NPY2R: variants seen among roughly 807,000 people sequenced by gnomAD.
The protein encoded by NPY2R is neuropeptide Y receptor Y2, also known as neuropeptide Y receptor type 2.
NPY2R carries 17 observed loss-of-function variants against 22.3 expected under a neutral mutation model. The ratio of observed to expected loss-of-function variants is 0.76; its 90% CI spans 0.52 to 1.14. The LOEUF (loss-of-function observed/expected upper bound fraction) is 1.14. NPY2R is among the 50% of genes most tolerant of loss of function. NPY2R has a pLI of 0.00. For synonymous variants in NPY2R, 209 were observed against 183.4 expected (o/e 1.14, Z -1.13); for missense variants, 424 against 467.9 (o/e 0.91, Z 0.87).
chr4:155,195,269 A>T, the NPY2R span, among the ~76,000 whole-genome samples: 1 of 151,862 alleles, frequency 6.6e-6, no homozygotes, highest in African/African-American at 2.4e-5. Context: ...ATATGTATTT[A>T]TCCCTTTATT....
At chr4:155,183,973 C>T in the NPY2R span, among the ~76,000 whole-genome samples, 1 of 152,146 alleles carries the variant, frequency 6.6e-6, no homozygotes, top group East Asian at 1.9e-4. Context: ...AAACTCCATC[C>T]CCTCTCTTAC....
chr4:155,184,576 C>T, the NPY2R span, among the ~76,000 whole-genome samples: 1 of 152,152 alleles, frequency 6.6e-6, no homozygotes, highest in Non-Finnish European at 1.5e-5. Flanking sequence ...CCAGGAATGA[C>T]CCATGAAGCT....
chr4:155,185,902 T>G, the NPY2R span, among the ~76,000 whole-genome samples: 1 of 152,020 alleles, frequency 6.6e-6, no homozygotes, highest in Non-Finnish European at 1.5e-5. Flanking sequence ...GAAATGTGTT[T>G]TTTTTGGTTT....
At chr4:155,196,223 T>G in the NPY2R span, among the ~76,000 whole-genome samples, 95 of 151,410 alleles carry the variant, frequency 6.3e-4, no homozygotes, top group African/African-American at 2.3e-3. Flanking sequence ...TTTTTCTGCT[T>G]CTTCTTTTTT....
chr4:155,196,571 T>C, the NPY2R span, among the ~76,000 whole-genome samples: 1 of 151,882 alleles, frequency 6.6e-6, no homozygotes, highest in Non-Finnish European at 1.5e-5. Context: ...TGGATAGGAT[T>C]TGAATTATGT....
the NPY2R span, among the ~76,000 whole-genome samples, chr4:155,179,684 C>A: frequency 6.6e-6 from 1 of 152,318 alleles, no homozygotes; most frequent in South Asian, 2.1e-4. Flanking sequence ...TGCGAGCTCA[C>A]TTTCTGCATA....
the NPY2R span, among the ~76,000 whole-genome samples, chr4:155,189,536 G>A: frequency 0.47 from 70,863 of 151,790 alleles, 17,244 homozygotes; most frequent in East Asian, 0.69. Flanking sequence ...CTTGTCCAGT[G>A]GATGGTGGGC....
upstream of NPY2R, chr4:155,206,690 G>A (rs570811351): frequency 2.0e-5 from 3 of 152,298 alleles, no homozygotes; most frequent in African/African-American, 7.2e-5. Flanking sequence ...CTGCTAATAC[G>A]CTTCTGAAAG....
chr4:155,182,732 C>A, the NPY2R span, among the ~76,000 whole-genome samples: 2 of 152,056 alleles, frequency 1.3e-5, no homozygotes, highest in Non-Finnish European at 2.9e-5. Context: ...ACCATCTGAA[C>A]ATGGGGCACA....
chr4:155,207,078 A>G (rs527730773), upstream of NPY2R: 1 of 152,326 alleles, frequency 6.6e-6, no homozygotes, highest in East Asian at 1.9e-4. Flanking sequence ...GTTTCTAGGT[A>G]TTTGAAAAGC....
At chr4:155,179,464 G>A in the NPY2R span, among the ~76,000 whole-genome samples, 1 of 152,180 alleles carries the variant, frequency 6.6e-6, no homozygotes, top group African/African-American at 2.4e-5. Context: ...TAGAAGGCTT[G>A]TTTAGAGTAG....
upstream of NPY2R, among the ~76,000 whole-genome samples, chr4:155,204,762 A>C (rs1357617054): frequency 6.6e-6 from 1 of 151,326 alleles, no homozygotes; most frequent in East Asian, 2.0e-4. Context: ...GAGATTTTAC[A>C]CCAATATGCT....
the NPY2R span, among the ~76,000 whole-genome samples, chr4:155,191,123 A>G: frequency 6.6e-6 from 1 of 151,886 alleles, no homozygotes; most frequent in Non-Finnish European, 1.5e-5. Flanking sequence ...TGAAACCCCT[A>G]AACTAAGACA....
At chr4:155,173,978 A>G in the NPY2R span, among the ~76,000 whole-genome samples, 3 of 152,150 alleles carry the variant, frequency 2.0e-5, no homozygotes, top group South Asian at 6.2e-4. Context: ...GCTTTAATAA[A>G]CAGCATTTAA....
chr4:155,191,526 C>T, the NPY2R span, among the ~76,000 whole-genome samples: 5 of 151,842 alleles, frequency 3.3e-5, no homozygotes, highest in Admixed American at 3.3e-4. Context: ...CACTGAAGTA[C>T]CATAAATCTA....
chr4:155,191,236 G>A, the NPY2R span, among the ~76,000 whole-genome samples: 3 of 151,878 alleles, frequency 2.0e-5, no homozygotes, highest in Non-Finnish European at 4.4e-5. Flanking sequence ...ATACTTTGCT[G>A]AGTGGATCTT....
At chr4:155,174,758 A>T in the NPY2R span, among the ~76,000 whole-genome samples, 1 of 152,050 alleles carries the variant, frequency 6.6e-6, no homozygotes, top group South Asian at 2.1e-4. Context: ...GAGGAAGTGC[A>T]AATTTGGAGA....
At chr4:155,176,062 A>G in the NPY2R span, among the ~76,000 whole-genome samples, 432 of 152,298 alleles carry the variant, frequency 2.8e-3, 1 homozygote, top group African/African-American at 0.01. Context: ...TCAGCCAAGG[A>G]AATAAAACTT....
chr4:155,202,282 TAAAACA>T, the NPY2R span, among the ~76,000 whole-genome samples: 3,983 of 152,240 alleles, frequency 0.026, 71 homozygotes, highest in East Asian at 0.043. Flanking sequence ...AAGATTCATT[TAAAACA>T]AAAACAAAAA....
Sources: allele counts gnomAD v4.1 joint callset (sites outside exome capture counted in the v4.1 genomes callset), GRCh38; gene constraint gnomAD v4.1.1; transcripts MANE v1.5; gene names NCBI Gene and HGNC (gene_info 2026-07-23, HGNC 2026-07-21).